YLPM1: variants seen among roughly 807,000 people sequenced by gnomAD.
YLPM1 encodes YLP motif containing 1, also known as YLP motif-containing protein 1.
YLPM1 carries 99 observed loss-of-function variants against 230.0 expected under a neutral mutation model. The ratio of observed to expected loss-of-function variants is 0.43; its 90% CI spans 0.37 to 0.51. The LOEUF (loss-of-function observed/expected upper bound fraction) is 0.51, where lower values mean the gene tolerates loss of function less well. YLPM1 is among the 20% of genes least tolerant of loss of function. The probability of loss-of-function intolerance (pLI) is 0.00; values close to 1 mark genes in which losing one functional copy is unlikely to be tolerated. For synonymous variants in YLPM1, 984 were observed against 942.5 expected, an observed-to-expected ratio of 1.04 and a Z score of -0.81; for missense variants, 2,592 against 2,707.7, an observed-to-expected ratio of 0.96 and a Z score of 0.95.
intron 4 of YLPM1, among the ~76,000 whole-genome samples, chr14:74,785,395 C>T (rs1432683560): frequency 6.6e-6 from 1 of 152,138 alleles, no homozygotes. Context: ...AAACGTTTCC[C>T]CTAACTAGCT....
chr14:74,802,504 A>T, intron 5 of YLPM1, 52 bp from the exon 6 acceptor site: 2 of 1,547,362 alleles, frequency 1.3e-6, no homozygotes, highest in Non-Finnish European at 1.7e-6. Context: ...GTAGTCACTT[A>T]GGAATGGAAT....
intron 17 of YLPM1, among the ~76,000 whole-genome samples, chr14:74,822,817 G>A (rs1211507091): frequency 2.6e-5 from 4 of 151,644 alleles, no homozygotes; most frequent in Admixed American, 2.6e-4. Flanking sequence ...TAATATAGCT[G>A]GATGAAATCC....
In YLPM1 at chr14:74,836,040, C is replaced by T. The variant is rs1432145376; in HGVS notation, c.*302C>T. 1 of 372,238 alleles carries T rather than the reference C, an allele frequency of 2.7e-6. No individual in the cohort carries two copies. The highest frequency in any genetic ancestry group is 2.1e-5 in the South Asian group (1 of 48,144). 23.1% of individuals were successfully genotyped at this position (372,238 alleles called of 1,614,324 possible). On this transcript the variant is annotated 3_prime_UTR_variant, in exon 21 of 21. Coordinates refer to ENST00000325680, the MANE Select transcript of YLPM1 (RefSeq NM_019589.3). The stretch of plus-strand genomic sequence containing the variant: ...GGAGGATTCCAACAGAGAGTATTTC[C>T]TCCACTGTACAATGTCACAGACTAT...
At chr14:74,787,092 T>C (rs1479441447) in intron 4 of YLPM1, among the ~76,000 whole-genome samples, 1 of 152,254 alleles carries the variant, frequency 6.6e-6, no homozygotes, top group Non-Finnish European at 1.5e-5. Flanking sequence ...TGTTAATTTG[T>C]ATTTCCTCTT....
intron 4 of YLPM1, among the ~76,000 whole-genome samples, chr14:74,791,759 A>C (rs574881792): frequency 6.6e-6 from 1 of 152,124 alleles, no homozygotes; most frequent in South Asian, 2.1e-4. Flanking sequence ...GTTAGGCATG[A>C]CTCTCTTTTT....
rs946949134 is a variant in YLPM1 at position 74,782,394 on chromosome 14, G to A, written c.2282+69G>A. ...TATTGACTTAGGCTATTTGGTTCTC[G>A]ATGGTATAAAAAGCTTCATTTATAC... On this transcript the variant is annotated intron_variant, in intron 4 of 20. Coordinates refer to ENST00000325680, the MANE Select transcript of YLPM1 (RefSeq NM_019589.3). 15 of 1,465,692 alleles carry A rather than the reference G, an allele frequency of 1.0e-5. No individual in the cohort carries two copies. In the East Asian group the frequency reaches 1.4e-4, roughly 14 times the overall value. 90.8% of individuals were successfully genotyped at this position (1,465,692 alleles called of 1,614,324 possible). A position where few individuals can be genotyped will look rare whatever the true frequency, so the allele number is the denominator to read the frequency against.
At chr14:74,818,181 G>A (rs754771621) in intron 15 of YLPM1, 50 bp from the exon 16 acceptor site, 2 of 1,300,444 alleles carry the variant, frequency 1.5e-6, no homozygotes, top group Non-Finnish European at 2.1e-6. Context: ...TGCTTACTTG[G>A]TCTTTGAGTA....
chr14:74,764,061 C>T lies in YLPM1; in HGVS notation c.572C>T (p.Pro191Leu), dbSNP rs1566732869. 2 of 1,613,184 alleles carry T rather than the reference C, an allele frequency of 1.2e-6. No homozygotes were observed. Among genetic ancestry groups the T allele is most frequent in the Non-Finnish European group, 1.7e-6 (2 of 1,179,688 alleles). Reference sequence around the variant, plus strand: ...TACCTGCCTCCTGCTCAGCCGTCCCCTTCGCAGTCCCCACCTTCCCAATCC... The same window carrying T: ...TACCTGCCTCCTGCTCAGCCGTCCCTTTCGCAGTCCCCACCTTCCCAATCC... ...QPYLPPAQPS[P>L]SQSPPSQSYL... Residue 191 changes from proline (P) to leucine (L), a missense_variant, in exon 1 of 21, where the codon CCT (proline) becomes CTT (leucine). Transcript: ENST00000325680.
At chr14:74,808,387 G>A (rs1326660172) in intron 6 of YLPM1, among the ~76,000 whole-genome samples, 4 of 152,146 alleles carry the variant, frequency 2.6e-5, no homozygotes, top group African/African-American at 9.7e-5. Context: ...TTCACCAGTT[G>A]TTGGACATTA....
At chr14:74,780,734 A>G in intron 3 of YLPM1, 150 bp downstream of exon 3, 2 of 1,392,244 alleles carry the variant, frequency 1.4e-6, no homozygotes, top group South Asian at 1.7e-5. Context: ...TATCTGCCAC[A>G]TTACCTGGGG....
In YLPM1 at chr14:74,778,745, G is replaced by A; in HGVS notation, c.1110+62G>A. 3.5e-6 allele frequency: 5 copies of A among 1,420,304 alleles called. No homozygotes were observed. The East Asian group carries it at 1.0e-4, about 28-fold the overall frequency. 88.0% of individuals were successfully genotyped at this position (1,420,304 alleles called of 1,614,324 possible). On this transcript the variant is annotated intron_variant, in intron 2 of 20. Coordinates refer to ENST00000325680, the MANE Select transcript of YLPM1 (RefSeq NM_019589.3). ...ATTTAGCTTTTTTCTGATTCATTTAGTATACTTTTATCATAAATGGATATA... is the reference window on the plus strand; with the variant it reads ...ATTTAGCTTTTTTCTGATTCATTTAATATACTTTTATCATAAATGGATATA...
chr14:74,816,651 A>C lies in YLPM1; in HGVS notation c.5646A>C (p.Glu1882Asp), dbSNP rs1320459781. 1 of 1,613,678 alleles carries C rather than the reference A, an allele frequency of 6.2e-7. No homozygotes were observed. The highest frequency in any genetic ancestry group is 2.2e-5 in the East Asian group (1 of 44,856). The part of the protein sequence containing the change: ...DDYFITEVEK[E>D]EKDPDSGKKV... ...ACTTCATCACTGAAGTGGAAAAAGAAGAAAAAGATCCAGATTCTGGAAAGA... is the reference window on the plus strand; with the variant it reads ...ACTTCATCACTGAAGTGGAAAAAGACGAAAAAGATCCAGATTCTGGAAAGA... The change falls in exon 13 of 21, where the codon GAA becomes GAC. Residue 1882 changes from glutamate (E) to aspartate (D), a missense_variant. By Grantham distance (45) the Glu-to-Asp change is conservative. Coordinates refer to ENST00000325680, the MANE Select transcript of YLPM1 (RefSeq NM_019589.3).
At chr14:74,822,593 A>G (rs1170783295) in intron 17 of YLPM1, among the ~76,000 whole-genome samples, 3 of 152,176 alleles carry the variant, frequency 2.0e-5, no homozygotes, top group Non-Finnish European at 4.4e-5. Flanking sequence ...GCAGGGGGAA[A>G]TGAATACACT....
In YLPM1 at chr14:74,824,375, A is replaced by G. The variant is rs946766283; in HGVS notation, c.6163+68A>G. ...GGTAATGGTCATAGATCTTTCTGCT[A>G]TAAGAGGAACAAATTTCCTAAAACT... is the stretch of plus-strand genomic sequence containing the variant. On this transcript the variant is annotated intron_variant, in intron 18 of 20. Coordinates refer to ENST00000325680, the MANE Select transcript of YLPM1 (RefSeq NM_019589.3). The G allele has an allele frequency of 4.2e-5, 63 of 1,507,270 alleles. No homozygotes were observed. Among genetic ancestry groups the G allele is most frequent in the South Asian group, 1.7e-4 (14 of 83,930 alleles). The allele number at this position is 1,507,270 out of a possible 1,614,324, so 93.4% of individuals were successfully genotyped here. A position where few individuals can be genotyped will look rare whatever the true frequency, so the allele number is the denominator to read the frequency against.
In YLPM1 at chr14:74,836,102, T is replaced by C. The variant is rs2091642205; in HGVS notation, c.*364T>C. 3.6e-6 allele frequency: 1 copy of C among 277,596 alleles called. No individual in the cohort carries two copies. Among genetic ancestry groups the C allele is most frequent in the Non-Finnish European group, 7.1e-6 (1 of 140,926 alleles). The allele number at this position is 277,596 out of a possible 1,614,324, so 17.2% of individuals were successfully genotyped here. A position where few individuals can be genotyped will look rare whatever the true frequency, so the allele number is the denominator to read the frequency against. ...TTGCTTTGTGGCTGTTTCTGTTTTTTACTGTATGTAACTGGTAGCTGATTG... is the reference window on the plus strand; with the variant it reads ...TTGCTTTGTGGCTGTTTCTGTTTTTCACTGTATGTAACTGGTAGCTGATTG... On this transcript the variant is annotated 3_prime_UTR_variant, in exon 21 of 21. Transcript: ENST00000325680.
Position 74,821,080 on chromosome 14 carries a change from A to C in YLPM1, c.6054A>C (p.Ala2018=). 6.5e-7 allele frequency: 1 copy of C among 1,536,950 alleles called. No individual in the cohort carries two copies. Among genetic ancestry groups the C allele is most frequent in the Non-Finnish European group, 8.8e-7 (1 of 1,141,316 alleles). The change falls in exon 17 of 21, where the codon GCA becomes GCC. Residue 2018 remains alanine, a synonymous_variant. Transcript: ENST00000325680. The stretch of plus-strand genomic sequence containing the variant: ...AGGTAGAGATGGAAGATTTTGATGC[A>C]AATATCGAAGAACAGAAAGAAGAAA... ...IEEVEMEDFD[A]NIEEQKEEKK...
intron 1 of YLPM1, among the ~76,000 whole-genome samples, chr14:74,766,297 A>C (rs1305815903): frequency 6.6e-6 from 1 of 152,112 alleles, no homozygotes; most frequent in South Asian, 2.1e-4. Flanking sequence ...ATCCTTCTAC[A>C]TATTTATTAT....
intron 4 of YLPM1, among the ~76,000 whole-genome samples, chr14:74,790,695 A>G (rs867899106): frequency 6.6e-6 from 1 of 152,162 alleles, no homozygotes; most frequent in Non-Finnish European, 1.5e-5. Flanking sequence ...CCAAGGTACA[A>G]TGCATGCGTT....
At chr14:74,784,120 G>A (rs1339903044) in intron 4 of YLPM1, among the ~76,000 whole-genome samples, 1 of 152,100 alleles carries the variant, frequency 6.6e-6, no homozygotes, top group Non-Finnish European at 1.5e-5. Flanking sequence ...TTTTAGATCT[G>A]GTAACTAATT....
Sources: allele counts gnomAD v4.1 joint callset (sites outside exome capture counted in the v4.1 genomes callset), GRCh38; gene constraint gnomAD v4.1.1; transcripts MANE v1.5; gene names NCBI Gene and HGNC (gene_info 2026-07-23, HGNC 2026-07-21).